WDTC1: variants seen among roughly 807,000 people sequenced by gnomAD.
The protein encoded by WDTC1 is WD and tetratricopeptide repeats 1, also known as WD and tetratricopeptide repeats protein 1.
A neutral mutation model predicts 76.0 loss-of-function variants in WDTC1; 12 were observed. The ratio of observed to expected loss-of-function variants is 0.16; its 90% CI spans 0.10 to 0.26. The LOEUF (loss-of-function observed/expected upper bound fraction) is 0.26, where lower values mean the gene tolerates loss of function less well. Among genes scored for constraint, WDTC1 ranks in the 10% least tolerant of loss-of-function variants. The pLI, the probability that WDTC1 is intolerant of heterozygous loss-of-function variation, is 1.00. For synonymous variants in WDTC1, 326 were observed against 350.8 expected, an observed-to-expected ratio of 0.93 and a Z score of 0.79; for missense variants, 511 against 908.8, an observed-to-expected ratio of 0.56 and a Z score of 5.63.
Position 27,301,883 on chromosome 1 carries a change from G to A in WDTC1, c.1468+422G>A, listed in dbSNP as rs970127323. 1.3e-5 allele frequency among the ~76,000 whole-genome samples: 2 copies of A among 152,160 alleles called. No homozygotes were observed. The highest frequency in any genetic ancestry group is 2.9e-5 in the Non-Finnish European group (2 of 68,032). ...GTACAAGTGCAGCAGAGACAATAGC[G>A]CAGAGCAGTAGAAATGCCTCAGGCT... On this transcript the variant is annotated intron_variant, in intron 13 of 15. Transcript: ENST00000319394. The surrounding 1 kb of genome is among the most constrained non-coding windows in gnomAD (Gnocchi z 5.8).
At chr1:27,240,860 A>G (rs540984396) in intron 1 of WDTC1, among the ~76,000 whole-genome samples, 3 of 151,874 alleles carry the variant, frequency 2.0e-5, no homozygotes, top group Non-Finnish European at 4.4e-5. Flanking sequence ...CTGTAGTCCC[A>G]GCTACTCAGG....
intron 5 of WDTC1, among the ~76,000 whole-genome samples, chr1:27,285,511 A>G (rs2013305720): frequency 6.6e-6 from 1 of 152,224 alleles, no homozygotes; most frequent in South Asian, 2.1e-4. Flanking sequence ...AATTTTAAAA[A>G]AAAGATATTT....
At chr1:27,250,842 A>G (rs1303934849) in intron 1 of WDTC1, among the ~76,000 whole-genome samples, 1 of 151,062 alleles carries the variant, frequency 6.6e-6, no homozygotes, top group Non-Finnish European at 1.5e-5. Flanking sequence ...AATTCCTCCA[A>G]ATCGAGCTGT....
At chr1:27,244,278 G>C (rs1255798039) in intron 1 of WDTC1, among the ~76,000 whole-genome samples, 1 of 152,166 alleles carries the variant, frequency 6.6e-6, no homozygotes, top group East Asian at 1.9e-4. Context: ...TTGAACCTAA[G>C]ATCTGTTAGG....
intron 3 of WDTC1, among the ~76,000 whole-genome samples, chr1:27,276,037 G>A (rs891131601): frequency 6.6e-6 from 1 of 152,170 alleles, no homozygotes; most frequent in Non-Finnish European, 1.5e-5. Flanking sequence ...ATTCATCTAT[G>A]TTATAGTATG....
At position 27,251,938 on chromosome 1, in the gene WDTC1, C is replaced by T. The variant is rs2012079357; in HGVS notation, c.-99-9018C>T. Among the ~76,000 whole-genome samples the T allele has an allele frequency of 3.3e-5, 5 of 152,114 alleles. No homozygotes were observed. In the South Asian group the frequency reaches 1.0e-3, roughly 32 times the overall value. Reference sequence around the variant, plus strand: ...GTGGGGGCATCTGTAATCCCAGCTACTTGGGAGGCTGAGGCAGGAGAATTG... The same window carrying T: ...GTGGGGGCATCTGTAATCCCAGCTATTTGGGAGGCTGAGGCAGGAGAATTG... On this transcript the variant is annotated intron_variant, in intron 1 of 15. Coordinates refer to ENST00000319394, the MANE Select transcript of WDTC1 (RefSeq NM_001276252.2).
chr1:27,292,288 G>A lies in WDTC1; in HGVS notation c.553G>A (p.Val185Met). The A allele has an allele frequency of 6.2e-7, 1 of 1,613,224 alleles. No individual in the cohort carries two copies. Among genetic ancestry groups the A allele is most frequent in the Non-Finnish European group, 8.5e-7 (1 of 1,179,642 alleles). ...IDLTEYCGQL[V>M]EAKCLTVNPQ... The stretch of plus-strand genomic sequence containing the variant: ...CCTGACAGAGTACTGTGGCCAGCTG[G>A]TGGAGGCCAAGTGCCTCACTGTCAA... The change falls in exon 7 of 16, where the codon GTG becomes ATG. Residue 185 changes from valine to methionine, a missense_variant. By Grantham distance (21) the Val-to-Met change is conservative. Coordinates refer to ENST00000319394, the MANE Select transcript of WDTC1 (RefSeq NM_001276252.2).
chr1:27,246,723 G>A lies in WDTC1; in HGVS notation c.-100+11772G>A, dbSNP rs187935342. Among the ~76,000 whole-genome samples the A allele has an allele frequency of 3.2e-4, 48 of 151,602 alleles. 1 individual carries two copies. Among genetic ancestry groups the A allele is most frequent in the Non-Finnish European group, 2.8e-4 (19 of 67,886 alleles). ...ATTACAGGTGCCCGCCACCACGCCCGGCTAATTTTTGTATTTTTAGTAGAG... is the reference window on the plus strand; with the variant it reads ...ATTACAGGTGCCCGCCACCACGCCCAGCTAATTTTTGTATTTTTAGTAGAG... On this transcript the variant is annotated intron_variant, in intron 1 of 15. Transcript: ENST00000319394.
chr1:27,296,352 G>A lies in WDTC1; in HGVS notation c.900G>A (p.Lys300=). Residue 300 remains lysine, a synonymous_variant, in exon 10 of 16, where the codon AAG becomes AAA. Transcript: ENST00000319394. The part of the protein sequence containing the change: ...EQVYLFDLTY[K]QRPYTFLLPR... Reference sequence around the variant, plus strand: ...TCTATTTGTTTGACTTGACTTACAAGCAGCGGCCGTACACCTTCCTCTTGC... The same window carrying A: ...TCTATTTGTTTGACTTGACTTACAAACAGCGGCCGTACACCTTCCTCTTGC... 1 of 1,614,032 alleles carries A rather than the reference G, an allele frequency of 6.2e-7. No homozygotes were observed. The highest frequency in any genetic ancestry group is 8.5e-7 in the Non-Finnish European group (1 of 1,180,014).
rs2013960838 is a variant in WDTC1, at chr1:27,306,546, TGCTG to T, written c.*167_*170del. 2 of 923,678 alleles carry T rather than the reference TGCTG, an allele frequency of 2.2e-6. No homozygotes were observed. Among genetic ancestry groups the T allele is most frequent in the Non-Finnish European group, 1.6e-6 (1 of 632,392 alleles). 57.2% of individuals were successfully genotyped at this position (923,678 alleles called of 1,614,324 possible). The stretch of plus-strand genomic sequence containing the variant: ...GTTAGGGGTGGAGGTTGCTACAACT[TGCTG>T]GCTTTCGGACTCTGGGCTGATTGTC... On this transcript the variant is annotated 3_prime_UTR_variant, in exon 16 of 16. Coordinates refer to ENST00000319394, the MANE Select transcript of WDTC1 (RefSeq NM_001276252.2). This position sits in a 1 kb window ranked among gnomAD's most constrained non-coding sequence, Gnocchi z 5.0.
chr1:27,263,047 C>A, intron 2 of WDTC1, 105 bp from the exon 3 acceptor site: 2 of 1,216,440 alleles, frequency 1.6e-6, no homozygotes, highest in Non-Finnish European at 2.3e-6. Flanking sequence ...TTGTTGTCTT[C>A]TTTAGCTCCT....
chr1:27,271,955 T>TA (rs200896562), intron 3 of WDTC1, among the ~76,000 whole-genome samples: 1,852 of 147,158 alleles, frequency 0.013, 22 homozygotes, highest in East Asian at 0.025. Context: ...TTTTTTTAAA[T>TA]AAAAAATAGG....
At chr1:27,282,794 G>A (rs2013223563) in intron 4 of WDTC1, among the ~76,000 whole-genome samples, 4 of 151,698 alleles carry the variant, frequency 2.6e-5, no homozygotes, top group South Asian at 2.1e-4. Context: ...ATGAACTACC[G>A]CGCCCGGCCC....
At position 27,287,719 on chromosome 1, in the gene WDTC1, G is replaced by A; in HGVS notation, c.337G>A (p.Asp113Asn). Residue 113 changes from aspartate to asparagine, a missense_variant, in exon 6 of 16, where the codon GAC becomes AAC. Coordinates refer to ENST00000319394, the MANE Select transcript of WDTC1 (RefSeq NM_001276252.2). ...CCGCATCTTGATCACGGGGGCAGCC[G>A]ACTCTAAGGTGCATGTGCACGACCT... The part of the protein sequence containing the change: ...GDRILITGAA[D>N]SKVHVHDLTV... 2 of 1,614,026 alleles carry A rather than the reference G, an allele frequency of 1.2e-6. No homozygotes were observed. Among genetic ancestry groups the A allele is most frequent in the Non-Finnish European group, 8.5e-7 (1 of 1,179,978 alleles).
chr1:27,235,396 G>C (rs1464056175), intron 1 of WDTC1, among the ~76,000 whole-genome samples: 1 of 6,610 alleles, frequency 1.5e-4, no homozygotes, highest in Non-Finnish European at 2.4e-4. Context: ...CTCTCTTTCT[G>C]TGTGTGTGTG....
chr1:27,299,199 A>G (rs1194274859), intron 12 of WDTC1, among the ~76,000 whole-genome samples: 1 of 152,222 alleles, frequency 6.6e-6, no homozygotes, highest in African/African-American at 2.4e-5. Context: ...ATGTGCCCTC[A>G]GCATGTTCTC....
At chr1:27,264,628 C>CTTTGT (rs201984611) in intron 3 of WDTC1, among the ~76,000 whole-genome samples, 4,755 of 150,972 alleles carry the variant, frequency 0.031, 142 homozygotes, top group African/African-American at 0.078. Flanking sequence ...TTTTGTGGGT[C>CTTTGT]TTTGTTTTGT....
rs745945935 is a variant in WDTC1 at position 27,297,099 on chromosome 1, A to G, written c.1001A>G (p.Asn334Ser). The change falls in exon 11 of 16, where the codon AAT becomes AGT. Residue 334 changes from asparagine to serine, a missense_variant. By Grantham distance (46) the Asn-to-Ser change is conservative. Coordinates refer to ENST00000319394, the MANE Select transcript of WDTC1 (RefSeq NM_001276252.2). ...STNGVSNGVS[N>S]GLHLHSNGFR... ...AACGGTGTGTCCAACGGTGTGTCCAATGGCCTGCACCTTCATAGCAATGGC... is the reference window on the plus strand; with the variant it reads ...AACGGTGTGTCCAACGGTGTGTCCAGTGGCCTGCACCTTCATAGCAATGGC... The G allele has an allele frequency of 3.7e-6, 6 of 1,613,988 alleles. No homozygotes were observed. The highest frequency in any genetic ancestry group is 2.7e-5 in the African/African-American group (2 of 74,930).
intron 13 of WDTC1, among the ~76,000 whole-genome samples, chr1:27,302,438 A>G (rs1048060901): frequency 2.0e-4 from 30 of 152,300 alleles, no homozygotes; most frequent in African/African-American, 6.0e-4. Context: ...AACTAGATAC[A>G]AAATATAGCT....
Sources: allele counts gnomAD v4.1 joint callset (sites outside exome capture counted in the v4.1 genomes callset), GRCh38; gene constraint gnomAD v4.1.1; non-coding constraint Gnocchi (gnomAD v3.1); transcripts MANE v1.5; gene names NCBI Gene and HGNC (gene_info 2026-07-23, HGNC 2026-07-21).